Variants in TBC1D31 observed in about 807,000 individuals in gnomAD.
TBC1D31 encodes the protein TBC1 domain family member 31.
A neutral mutation model predicts 132.9 loss-of-function variants in TBC1D31; 99 were observed. The ratio of observed to expected loss-of-function variants is 0.74; its 90% CI spans 0.63 to 0.88. The LOEUF (loss-of-function observed/expected upper bound fraction) is 0.88. TBC1D31 is among the 40% of genes least tolerant of loss of function. The pLI is 0.00. For synonymous variants in TBC1D31, 385 were observed against 419.4 expected (o/e 0.92, Z 1.00); for missense variants, 1,134 against 1,256.6 (o/e 0.90, Z 1.48).
intron 20 of TBC1D31, among the ~76,000 whole-genome samples, chr8:123,149,760 A>C (rs1183801573): frequency 6.6e-6 from 1 of 152,182 alleles, no homozygotes; most frequent in Non-Finnish European, 1.5e-5. Flanking sequence ...CACATTTCGT[A>C]ATCTCTATCT....
At chr8:123,095,580 G>C (rs1816763948) in intron 5 of TBC1D31, among the ~76,000 whole-genome samples, 1 of 152,208 alleles carries the variant, frequency 6.6e-6, no homozygotes. Flanking sequence ...TAGTTGACAA[G>C]TTTTAATACA....
chr8:123,080,709 TG>T (rs1244431304), intron 2 of TBC1D31, among the ~76,000 whole-genome samples: 1 of 151,984 alleles, frequency 6.6e-6, no homozygotes, highest in African/African-American at 2.4e-5. Context: ...GCTAATTTTT[TG>T]TATTTTAGTA....
intron 16 of TBC1D31, among the ~76,000 whole-genome samples, chr8:123,133,853 T>G (rs1820838542): frequency 6.6e-6 from 1 of 152,234 alleles, no homozygotes; most frequent in African/African-American, 2.4e-5. Flanking sequence ...CTGTAAGAAC[T>G]GCTATCTGTT....
In TBC1D31 at chr8:123,140,765, T is replaced by G; in HGVS notation, c.2504T>G (p.Leu835Arg). Residue 835 changes from leucine to arginine, a missense_variant, in exon 18 of 22, where the codon CTT becomes CGT. Transcript: ENST00000287380. ...TTTTACAAATGATTTTAACAGAATC[T>G]TACTGAAAATCAAGAAGCTCTTGCA... Reference protein sequence around the residue: ...ESQKRLYEKNLTENQEALAKE... With the variant: ...ESQKRLYEKNRTENQEALAKE... 5.0e-6 allele frequency: 8 copies of G among 1,598,824 alleles called. No individual in the cohort carries two copies. Among genetic ancestry groups the G allele is most frequent in the Non-Finnish European group, 6.0e-6 (7 of 1,176,002 alleles).
chr8:123,093,628 G>C lies in TBC1D31; in HGVS notation c.557G>C (p.Cys186Ser), dbSNP rs1357170947. 1 of 1,611,412 alleles carries C rather than the reference G, an allele frequency of 6.2e-7. No homozygotes were observed. The highest frequency in any genetic ancestry group is 1.3e-5 in the African/African-American group (1 of 74,932). ...CCATTAAGTAATACCATCCTCAGCT[G>C]TTTTAAAGATAATTCCATTTTTGCC... is the stretch of plus-strand genomic sequence containing the variant. ...FLPLSNTILS[C>S]FKDNSIFAWE... Residue 186 changes from cysteine (C) to serine (S), a missense_variant, in exon 5 of 22, where the codon TGT becomes TCT. Transcript: ENST00000287380.
chr8:123,082,888 A>T (rs1815315867), intron 3 of TBC1D31, 71 bp downstream of exon 3: 1 of 1,060,550 alleles, frequency 9.4e-7, no homozygotes. Context: ...GAACTTTATC[A>T]CTCTGTACAG....
intron 11 of TBC1D31, among the ~76,000 whole-genome samples, chr8:123,124,270 T>C (rs1819797548): frequency 6.6e-6 from 1 of 152,192 alleles, no homozygotes; most frequent in Non-Finnish European, 1.5e-5. Flanking sequence ...ATTTGGAACG[T>C]ATTTGTAAAA....
chr8:123,126,378 G>C, intron 12 of TBC1D31, 130 bp from the exon 13 acceptor site: 1 of 1,163,610 alleles, frequency 8.6e-7, no homozygotes, highest in Non-Finnish European at 1.2e-6. Context: ...TCCAAATTAA[G>C]GTAGTTATTT....
At chr8:123,107,107 A>T (rs1818002185) in intron 8 of TBC1D31, among the ~76,000 whole-genome samples, 2 of 152,250 alleles carry the variant, frequency 1.3e-5, no homozygotes, top group South Asian at 2.1e-4. Flanking sequence ...GAAGGCGGGC[A>T]TTAAGCATAA....
In TBC1D31 at chr8:123,144,755, A is replaced by G; in HGVS notation, c.2874A>G (p.Ser958=). ...EAEGKEFRLR[S]AKKASALSDA... The stretch of plus-strand genomic sequence containing the variant: ...AAGGAAAAGAGTTCCGTTTGAGATC[A>G]GCAAAGAAAGCTTCTGCTCTTTCAG... The change falls in exon 20 of 22, where the codon TCA becomes TCG. Residue 958 remains serine, a synonymous_variant. Transcript: ENST00000287380. 6.2e-7 allele frequency: 1 copy of G among 1,610,470 alleles called. No individual in the cohort carries two copies. The highest frequency in any genetic ancestry group is 1.1e-5 in the South Asian group (1 of 89,804).
intron 7 of TBC1D31, chr8:123,103,186 CAT>C (rs1817611488): frequency 6.6e-6 from 1 of 152,166 alleles, no homozygotes; most frequent in Non-Finnish European, 1.5e-5. Context: ...ATTAACTATA[CAT>C]ATATGTTTCT....
intron 11 of TBC1D31, among the ~76,000 whole-genome samples, chr8:123,125,256 C>T (rs959506689): frequency 6.6e-6 from 1 of 152,162 alleles, no homozygotes; most frequent in Non-Finnish European, 1.5e-5. Flanking sequence ...AACCGATGGT[C>T]TTATATACGG....
intron 7 of TBC1D31, chr8:123,104,082 T>C (rs926997389): frequency 6.6e-6 from 1 of 152,168 alleles, no homozygotes; most frequent in African/African-American, 2.4e-5. Flanking sequence ...GTATGTCAAG[T>C]CAGGTTGTTT....
intron 17 of TBC1D31, among the ~76,000 whole-genome samples, chr8:123,140,025 GCTTGGCTTCCTTC>G (rs1821478750): frequency 6.6e-6 from 1 of 152,136 alleles, no homozygotes; most frequent in East Asian, 1.9e-4. Context: ...ACCCCCTTTT[GCTTGGCTTCCTTC>G]CTTGGCTTCC....
intron 2 of TBC1D31, among the ~76,000 whole-genome samples, chr8:123,082,023 G>A (rs955655690): frequency 2.6e-5 from 4 of 152,098 alleles, no homozygotes; most frequent in Middle Eastern, 3.2e-3. Flanking sequence ...TTTAAATTAC[G>A]TATGTAGCCC....
chr8:123,130,073 ATTC>A (rs1820462124), intron 15 of TBC1D31, 122 bp from the exon 16 acceptor site: 6 of 1,000,260 alleles, frequency 6.0e-6, no homozygotes, highest in Non-Finnish European at 7.1e-6. Context: ...CAGTTCTCGC[ATTC>A]TTCTTTCAAA....
At chr8:123,110,334 C>T (rs1373131094) in intron 10 of TBC1D31, among the ~76,000 whole-genome samples, 1 of 151,948 alleles carries the variant, frequency 6.6e-6, no homozygotes, top group Non-Finnish European at 1.5e-5. Context: ...AGGAAGCATC[C>T]AGTAAATGTT....
Position 123,134,120 on chromosome 8 carries a change from A to G in TBC1D31, c.2413A>G (p.Met805Val), listed in dbSNP as rs1820868654. The G allele has an allele frequency of 6.2e-7, 1 of 1,613,320 alleles. No individual in the cohort carries two copies. The highest frequency in any genetic ancestry group is 8.5e-7 in the Non-Finnish European group (1 of 1,179,418). Residue 805 changes from methionine (M) to valine (V), a missense_variant, in exon 17 of 22, where the codon ATG becomes GTG. Physicochemically the swap from Met to Val is conservative, Grantham distance 21 (BLOSUM62 1). Transcript: ENST00000287380. ...LDDEIGRKVY[M>V]RDREIAATAR... Reference sequence around the variant, plus strand: ...GTTTGTTGTTTGGCCATAGGTATATATGAGAGATCGAGAAATTGCTGCCAC... The same window carrying G: ...GTTTGTTGTTTGGCCATAGGTATATGTGAGAGATCGAGAAATTGCTGCCAC...
At chr8:123,104,000 A>T (rs1378643733) in intron 7 of TBC1D31, 1 of 151,936 alleles carries the variant, frequency 6.6e-6, no homozygotes. Flanking sequence ...TTTTCTTGTC[A>T]TTGGAGAATT....
Sources: allele counts gnomAD v4.1 joint callset (sites outside exome capture counted in the v4.1 genomes callset), GRCh38; gene constraint gnomAD v4.1.1; transcripts MANE v1.5; gene names NCBI Gene and HGNC (gene_info 2026-07-23, HGNC 2026-07-21).